The following PFKFB3 variants were observed in gnomAD, a reference collection of about 807,000 sequenced individuals.
The protein encoded by PFKFB3 is 6-phosphofructo-2-kinase/fructose-2,6-bisphosphatase 3.
Under a neutral mutation model 68.0 loss-of-function variants are expected in PFKFB3, and 33 were observed. The observed-to-expected ratio is 0.49, with a 90% CI of 0.37 to 0.65. The LOEUF is 0.65. Among genes scored for constraint, PFKFB3 ranks in the 30% least tolerant of loss-of-function variants. The probability of loss-of-function intolerance (pLI) is 0.00; values close to 1 mark genes in which losing one functional copy is unlikely to be tolerated. For missense variants in PFKFB3, 586 were observed against 712.2 expected (o/e 0.82, Z 2.02); for synonymous variants, 315 against 288.2 (o/e 1.09, Z -0.94).
intron 1 of PFKFB3, among the ~76,000 whole-genome samples, chr10:6,173,128 C>A (rs658386): frequency 0.19 from 29,662 of 152,166 alleles, 3,326 homozygotes; most frequent in Non-Finnish European, 0.26. Flanking sequence ...ACTTCGGGAA[C>A]TCTCCTTCAC....
chr10:6,202,923 G>A (rs1349634820), upstream of PFKFB3: 7 of 1,199,574 alleles, frequency 5.8e-6, no homozygotes, highest in African/African-American at 6.5e-5. Flanking sequence ...GCGGTGCGCG[G>A]GGCATCCCAG....
In PFKFB3 at chr10:6,205,835, T is replaced by C. The variant is rs1006800445; in HGVS notation, c.76+2499T>C. 7.9e-5 allele frequency among the ~76,000 whole-genome samples: 12 copies of C among 152,020 alleles called. 2 individuals carry two copies. Among genetic ancestry groups the C allele is most frequent in the Admixed American group, 7.9e-4 (12 of 15,266 alleles). ...ATTTTTGAGGTGGAGTCTCACACTG[T>C]CACCCAGGCTGGAGGGCAGTGGTGC... On this transcript the variant is annotated intron_variant, in intron 1 of 14. Coordinates refer to ENST00000379775, the MANE Select transcript of PFKFB3 (RefSeq NM_004566.4).
chr10:6,176,581 G>A (rs1461586306), intron 1 of PFKFB3, among the ~76,000 whole-genome samples: 1 of 152,096 alleles, frequency 6.6e-6, no homozygotes, highest in African/African-American at 2.4e-5. Flanking sequence ...TAATTTTTAA[G>A]TTCTTTGTTG....
chr10:6,170,308 G>A (rs1588414214), intron 1 of PFKFB3, among the ~76,000 whole-genome samples: 2 of 152,150 alleles, frequency 1.3e-5, no homozygotes, highest in Admixed American at 6.6e-5. Flanking sequence ...GAGAGAGAAC[G>A]CTAATTGCTT....
At chr10:6,255,151 G>A (rs1210214442), downstream of PFKFB3, among the ~76,000 whole-genome samples, 2 of 137,496 alleles carry the variant, frequency 1.5e-5, no homozygotes, top group African/African-American at 5.5e-5. Context: ...TTTTTTTTTT[G>A]AGACGGAGTC....
intron 1 of PFKFB3, among the ~76,000 whole-genome samples, chr10:6,212,549 G>T (rs935429990): frequency 2.6e-5 from 4 of 152,156 alleles, no homozygotes; most frequent in African/African-American, 9.7e-5. Context: ...CAGAAGAGGG[G>T]GTCAGACAGG....
the PFKFB3 span, among the ~76,000 whole-genome samples, chr10:6,311,539 A>G: frequency 6.6e-6 from 1 of 152,160 alleles, no homozygotes; most frequent in Non-Finnish European, 1.5e-5. Context: ...ACTTGAGGTC[A>G]GGAGCTCGAG....
the PFKFB3 span, among the ~76,000 whole-genome samples, chr10:6,274,698 G>T: frequency 1.3e-5 from 2 of 152,126 alleles, no homozygotes; most frequent in Admixed American, 1.3e-4. Context: ...TTAGCTGGGT[G>T]TGGTGGCACA....
chr10:6,212,914 G>A (rs1231268216), intron 1 of PFKFB3, among the ~76,000 whole-genome samples: 1 of 152,086 alleles, frequency 6.6e-6, no homozygotes, highest in Non-Finnish European at 1.5e-5. Context: ...CTTGACCCCT[G>A]GGCCCCAGCC....
At chr10:6,261,815 C>T in the PFKFB3 span, among the ~76,000 whole-genome samples, 5 of 151,702 alleles carry the variant, frequency 3.3e-5, no homozygotes, top group East Asian at 3.9e-4. Flanking sequence ...GCCAACATGG[C>T]GAAACTCCAT....
chr10:6,307,522 C>CTTCCTTCT, the PFKFB3 span, among the ~76,000 whole-genome samples: 51 of 92,912 alleles, frequency 5.5e-4, no homozygotes, highest in African/African-American at 1.6e-3. Flanking sequence ...TCCTTCCTTC[C>CTTCCTTCT]TTCCTTCCTT....
the PFKFB3 span, among the ~76,000 whole-genome samples, chr10:6,267,206 A>G: frequency 2.0e-4 from 30 of 152,244 alleles, no homozygotes; most frequent in Admixed American, 7.2e-4. Context: ...CCCAGCTTGT[A>G]TAGGCATATG....
Position 6,215,076 on chromosome 10 carries a change from G to C in PFKFB3, c.203-145G>C. On this transcript the variant is annotated intron_variant, in intron 2 of 14. Transcript: ENST00000379775. This position sits in a 1 kb window ranked among gnomAD's most constrained non-coding sequence, Gnocchi z 4.3. ...AGGAGTTGAGGGTAGCGTAGGACTG[G>C]GCGCCGGCATTGCTTCCACACCATC... The C allele has an allele frequency of 1.5e-6, 1 of 663,638 alleles. No homozygotes were observed. The highest frequency in any genetic ancestry group is 1.8e-5 in the South Asian group (1 of 57,032). The allele number at this position is 663,638 out of a possible 1,614,324, so 41.1% of individuals were successfully genotyped here. A position where few individuals can be genotyped will look rare whatever the true frequency, so the allele number is the denominator to read the frequency against.
chr10:6,252,213 C>G (rs980764670), intron 14 of PFKFB3, among the ~76,000 whole-genome samples: 2 of 152,162 alleles, frequency 1.3e-5, no homozygotes, highest in Non-Finnish European at 2.9e-5. Flanking sequence ...TTTGTGACTG[C>G]TACATCCAAC....
At chr10:6,246,574 T>G (rs1846266397) in intron 14 of PFKFB3, among the ~76,000 whole-genome samples, 1 of 152,066 alleles carries the variant, frequency 6.6e-6, no homozygotes, top group African/African-American at 2.4e-5. Flanking sequence ...ACTCCTGACC[T>G]CAGGTGATCC....
intron 1 of PFKFB3, among the ~76,000 whole-genome samples, chr10:6,178,737 A>G (rs1306359638): frequency 6.6e-6 from 1 of 152,218 alleles, no homozygotes; most frequent in Non-Finnish European, 1.5e-5. Flanking sequence ...GAGCCACCCC[A>G]TCGTGTGCAG....
At chr10:6,293,815 T>C in the PFKFB3 span, 9 of 407,606 alleles carry the variant, frequency 2.2e-5, no homozygotes, top group Middle Eastern at 7.9e-4. Flanking sequence ...GTTTTCACCA[T>C]TGATTTGGAG....
rs985111617 is a variant in PFKFB3 at position 6,228,726 on chromosome 10, C to T, written c.1515+2361C>T. On this transcript the variant is annotated intron_variant, in intron 14 of 14. Coordinates refer to ENST00000379775, the MANE Select transcript of PFKFB3 (RefSeq NM_004566.4). The surrounding 1 kb of genome is among the most constrained non-coding windows in gnomAD (Gnocchi z 4.5). ...GTGGGGCCTGAGCTCTGAGCCTCTCCCTCCCCATGAGGACCCCCCACACCC... is the reference window on the plus strand; with the variant it reads ...GTGGGGCCTGAGCTCTGAGCCTCTCTCTCCCCATGAGGACCCCCCACACCC... Among the ~76,000 whole-genome samples the T allele has an allele frequency of 7.9e-5, 12 of 152,160 alleles. No individual in the cohort carries two copies. The highest frequency in any genetic ancestry group is 2.9e-4 in the African/African-American group (12 of 41,420).
the PFKFB3 span, among the ~76,000 whole-genome samples, chr10:6,271,448 A>T: frequency 3.9e-5 from 6 of 152,216 alleles, no homozygotes; most frequent in African/African-American, 1.4e-4. Flanking sequence ...GAATGGCAGG[A>T]TGAAGAGCCT....
Sources: allele counts gnomAD v4.1 joint callset (sites outside exome capture counted in the v4.1 genomes callset), GRCh38; gene constraint gnomAD v4.1.1; non-coding constraint Gnocchi (gnomAD v3.1); transcripts MANE v1.5; gene names NCBI Gene and HGNC (gene_info 2026-07-23, HGNC 2026-07-21).